Variants in AUTS2 observed in about 807,000 individuals in gnomAD.
AUTS2 encodes the protein activator of transcription and developmental regulator AUTS2.
A neutral mutation model predicts 112.4 loss-of-function variants in AUTS2; 17 were observed. The ratio of observed to expected loss-of-function variants is 0.15; its 90% confidence interval spans 0.10 to 0.23. AUTS2 has a LOEUF of 0.23. Among genes scored for constraint, AUTS2 ranks in the 10% least tolerant of loss-of-function variants. The pLI is 1.00. For missense variants in AUTS2, 1,510 were observed against 1,701.6 expected (o/e 0.89, Z 1.98); for synonymous variants, 751 against 702.7 (o/e 1.07, Z -1.09).
chr7:69,816,967 T>C (rs1790789563), intron 1 of AUTS2, among the ~76,000 whole-genome samples: 1 of 152,216 alleles, frequency 6.6e-6, no homozygotes, highest in South Asian at 2.1e-4. Context: ...GTGACCTCTG[T>C]TACCTCTTGG....
At chr7:70,254,541 T>G (rs1786759288) in intron 4 of AUTS2, among the ~76,000 whole-genome samples, 1 of 152,212 alleles carries the variant, frequency 6.6e-6, no homozygotes, top group South Asian at 2.1e-4. Context: ...TCTGCTTCTA[T>G]GACTTGCTCT....
At chr7:70,579,102 T>C (rs1159103886) in intron 5 of AUTS2, among the ~76,000 whole-genome samples, 1 of 150,758 alleles carries the variant, frequency 6.6e-6, no homozygotes, top group East Asian at 1.9e-4. Flanking sequence ...CTAATTTTTG[T>C]TTTTTTAGTA....
chr7:69,680,626 G>C (rs1796749374), intron 1 of AUTS2, among the ~76,000 whole-genome samples: 1 of 151,960 alleles, frequency 6.6e-6, no homozygotes, highest in African/African-American at 2.4e-5. Context: ...TCCAGCCCCT[G>C]GTAAGCACCA....
chr7:70,405,700 C>T (rs1794501761), intron 4 of AUTS2, among the ~76,000 whole-genome samples: 1 of 152,162 alleles, frequency 6.6e-6, no homozygotes, highest in South Asian at 2.1e-4. Context: ...AATAAATAGA[C>T]AGAATGGACT....
chr7:69,688,354 G>T (rs1290269008), intron 1 of AUTS2, among the ~76,000 whole-genome samples: 1 of 152,220 alleles, frequency 6.6e-6, no homozygotes, highest in Non-Finnish European at 1.5e-5. Context: ...ACTCTACAGT[G>T]AAGTTGCACC....
intron 2 of AUTS2, among the ~76,000 whole-genome samples, chr7:69,933,285 G>T (rs1796290228): frequency 6.6e-6 from 1 of 152,092 alleles, no homozygotes; most frequent in South Asian, 2.1e-4. Context: ...GCTTTAAAGG[G>T]TTAAAATAAG....
chr7:70,638,956 AAG>A (rs1250183445), intron 5 of AUTS2, among the ~76,000 whole-genome samples: 1 of 152,184 alleles, frequency 6.6e-6, no homozygotes, highest in Non-Finnish European at 1.5e-5. Flanking sequence ...TTTAGTACAG[AAG>A]AGAGGTAATA....
At chr7:70,153,272 G>T (rs1273312327) in intron 4 of AUTS2, among the ~76,000 whole-genome samples, 2 of 151,994 alleles carry the variant, frequency 1.3e-5, no homozygotes, top group African/African-American at 4.8e-5. Context: ...GCAACAACAT[G>T]GATTCATCTC....
chr7:70,777,890 T>C (rs1341917590), intron 14 of AUTS2, among the ~76,000 whole-genome samples: 2 of 152,214 alleles, frequency 1.3e-5, no homozygotes, highest in Non-Finnish European at 2.9e-5. Flanking sequence ...GTAAAAATAG[T>C]GACTGGTGCA....
At chr7:69,757,475 C>G (rs1787988236) in intron 1 of AUTS2, among the ~76,000 whole-genome samples, 1 of 152,102 alleles carries the variant, frequency 6.6e-6, no homozygotes, top group Non-Finnish European at 1.5e-5. Flanking sequence ...AGGGTTTTGT[C>G]AGTTATCATT....
chr7:69,893,770 T>C (rs992142339), intron 1 of AUTS2, among the ~76,000 whole-genome samples: 6 of 152,208 alleles, frequency 3.9e-5, no homozygotes, highest in African/African-American at 1.4e-4. Context: ...TTTTCTATTG[T>C]CTCTGGCTTC....
chr7:69,755,109 C>G (rs546081942), intron 1 of AUTS2, among the ~76,000 whole-genome samples: 1 of 152,302 alleles, frequency 6.6e-6, no homozygotes, highest in South Asian at 2.1e-4. Context: ...GGTCACCCAT[C>G]AAGTGGTTTG....
At chr7:69,956,838 T>C (rs2129546548) in intron 2 of AUTS2, among the ~76,000 whole-genome samples, 1 of 152,182 alleles carries the variant, frequency 6.6e-6, no homozygotes, top group Admixed American at 6.5e-5. Context: ...TATTATTTAC[T>C]TTTGGCAAAG....
At chr7:69,714,803 T>C (rs1340458648) in intron 1 of AUTS2, among the ~76,000 whole-genome samples, 1 of 152,140 alleles carries the variant, frequency 6.6e-6, no homozygotes, top group Non-Finnish European at 1.5e-5. Flanking sequence ...TGGGGAGAAT[T>C]GTTTATTGTG....
chr7:69,975,687 T>A (rs370772618), intron 2 of AUTS2, among the ~76,000 whole-genome samples: 73 of 152,156 alleles, frequency 4.8e-4, no homozygotes, highest in African/African-American at 1.5e-3. Flanking sequence ...TAATTGTTTT[T>A]TTTTTATTTT....
intron 2 of AUTS2, among the ~76,000 whole-genome samples, chr7:70,067,736 C>G (rs1802560468): frequency 6.6e-6 from 1 of 151,962 alleles, no homozygotes; most frequent in Admixed American, 6.6e-5. Context: ...CCTGTGGTCC[C>G]AGCTTACTTG....
intron 6 of AUTS2, among the ~76,000 whole-genome samples, chr7:70,758,175 G>A (rs1004593488): frequency 2.0e-5 from 3 of 151,980 alleles, no homozygotes; most frequent in Admixed American, 6.6e-5. Flanking sequence ...TTGTACATTC[G>A]GCATTCTTTT....
intron 2 of AUTS2, among the ~76,000 whole-genome samples, chr7:70,067,707 C>G (rs1459330132): frequency 6.6e-6 from 1 of 152,106 alleles, no homozygotes; most frequent in East Asian, 1.9e-4. Flanking sequence ...ATGAAATTAG[C>G]TGGGAGTGGT....
intron 5 of AUTS2, among the ~76,000 whole-genome samples, chr7:70,594,426 G>A (rs982226133): frequency 3.9e-5 from 6 of 152,332 alleles, no homozygotes; most frequent in African/African-American, 1.4e-4. Flanking sequence ...GATGCTGCTA[G>A]TGGAGAGAAC....
Sources: allele counts gnomAD v4.1 joint callset (sites outside exome capture counted in the v4.1 genomes callset), GRCh38; gene constraint gnomAD v4.1.1; transcripts MANE v1.5; gene names NCBI Gene and HGNC (gene_info 2026-07-23, HGNC 2026-07-21).